SUMF1: variants seen among roughly 807,000 people sequenced by gnomAD.
SUMF1 encodes the protein sulfatase modifying factor 1.
Under a neutral mutation model 47.6 loss-of-function variants are expected in SUMF1, and 48 were observed. The ratio of observed to expected loss-of-function variants is 1.01; its 90% CI spans 0.80 to 1.28. The LOEUF is 1.28. Ranked by LOEUF, SUMF1 falls within the 50% of genes most tolerant of loss-of-function variation. The pLI is 0.00. For missense variants in SUMF1, 571 were observed against 485.4 expected, an observed-to-expected ratio of 1.18 and a Z score of -1.66; for synonymous variants, 230 against 192.1, an observed-to-expected ratio of 1.20 and a Z score of -1.63.
At chr3:4,085,103 A>G (rs1478151637) in intron 8 of SUMF1, among the ~76,000 whole-genome samples, 1 of 152,134 alleles carries the variant, frequency 6.6e-6, no homozygotes, top group Non-Finnish European at 1.5e-5. Context: ...CCAACCATTC[A>G]GGTAATCAGG....
chr3:4,354,971 C>A (rs1259035643), intron 8 of SUMF1, among the ~76,000 whole-genome samples: 2 of 152,202 alleles, frequency 1.3e-5, no homozygotes, highest in Non-Finnish European at 2.9e-5. Context: ...CTTACAGTGG[C>A]ACAGTTACGT....
In SUMF1 at chr3:4,261,213, A is replaced by C. The variant is rs367907758; in HGVS notation, c.1014+115117T>G. Among the ~76,000 whole-genome samples, 20 of 152,274 alleles carry C rather than the reference A, an allele frequency of 1.3e-4. No homozygotes were observed. In the South Asian group the frequency reaches 2.7e-3, roughly 21 times the overall value. On this transcript the variant is annotated intron_variant and NMD_transcript_variant, in intron 8 of 12. Coordinates refer to the SUMF1 transcript ENST00000448413. ...GATTGACCTTGTGTTTGCTTTATGT[A>C]ATTTTTTCATAAGGGCAGAATAAAT...
intron 7 of SUMF1, among the ~76,000 whole-genome samples, chr3:4,379,703 G>A (rs144205576): frequency 0.012 from 1,789 of 152,206 alleles, 18 homozygotes; most frequent in Middle Eastern, 0.037. Flanking sequence ...TTAACTGGTC[G>A]TGGTGGCACA....
chr3:4,295,803 A>G (rs1387797608), intron 8 of SUMF1, among the ~76,000 whole-genome samples: 2 of 152,226 alleles, frequency 1.3e-5, no homozygotes, highest in Non-Finnish European at 2.9e-5. Context: ...AATCCTGGAT[A>G]TTACTTCACA....
chr3:4,249,412 C>T (rs1455285964), intron 8 of SUMF1, among the ~76,000 whole-genome samples: 3 of 151,874 alleles, frequency 2.0e-5, no homozygotes, highest in Admixed American at 6.6e-5. Context: ...CTCTGTGTCA[C>T]GTTTTGGTAA....
chr3:4,067,322 G>A (rs1695400538), intron 9 of SUMF1, among the ~76,000 whole-genome samples: 1 of 152,144 alleles, frequency 6.6e-6, no homozygotes, highest in Non-Finnish European at 1.5e-5. Flanking sequence ...TCTAGCCATT[G>A]GTTTTGAGGC....
intron 8 of SUMF1, chr3:4,303,815 G>C (rs1309468875): frequency 2.2e-5 from 30 of 1,382,450 alleles, no homozygotes; most frequent in Non-Finnish European, 2.8e-5. Flanking sequence ...CAGAACTCAA[G>C]GAGGCATCAC....
chr3:4,036,548 C>G (rs1694799807), intron 9 of SUMF1, among the ~76,000 whole-genome samples: 1 of 151,494 alleles, frequency 6.6e-6, no homozygotes, highest in South Asian at 2.1e-4. Flanking sequence ...GTGAAGGCTG[C>G]TGCAGGAGGA....
chr3:4,079,288 G>A (rs952484844), intron 8 of SUMF1, among the ~76,000 whole-genome samples: 2 of 152,088 alleles, frequency 1.3e-5, no homozygotes, highest in African/African-American at 4.8e-5. Context: ...AGTTGGAAGG[G>A]TTTTTGGAAA....
intron 6 of SUMF1, among the ~76,000 whole-genome samples, chr3:4,411,385 G>A (rs1409160165): frequency 1.3e-5 from 2 of 152,094 alleles, no homozygotes; most frequent in Admixed American, 6.6e-5. Flanking sequence ...AGCTTTCCTG[G>A]CCACACAATG....
At chr3:4,294,681 G>T (rs1400970886) in intron 8 of SUMF1, among the ~76,000 whole-genome samples, 3 of 151,956 alleles carry the variant, frequency 2.0e-5, no homozygotes, top group African/African-American at 7.3e-5. Context: ...GGCTGCCCAG[G>T]TTTCTTCTTG....
At chr3:4,392,879 A>G (rs1700920485) in intron 7 of SUMF1, among the ~76,000 whole-genome samples, 1 of 151,624 alleles carries the variant, frequency 6.6e-6, no homozygotes. Context: ...TGCATACTTG[A>G]ACAGCTGACC....
intron 8 of SUMF1, chr3:4,316,745 A>C: frequency 1.3e-6 from 2 of 1,550,832 alleles, no homozygotes; most frequent in African/African-American, 1.4e-5. Context: ...AAGAAGCTCC[A>C]AAGCACTTCC....
chr3:4,397,296 G>T (rs373620183), intron 7 of SUMF1, among the ~76,000 whole-genome samples: 2 of 152,272 alleles, frequency 1.3e-5, no homozygotes, highest in East Asian at 3.9e-4. Flanking sequence ...CCAACACAGG[G>T]TACAGACTAC....
chr3:4,459,237 T>C (rs1478848424), intron 1 of SUMF1, among the ~76,000 whole-genome samples: 1 of 152,188 alleles, frequency 6.6e-6, no homozygotes, highest in Non-Finnish European at 1.5e-5. Context: ...GATGGATTTG[T>C]TAATTAGCTT....
chr3:4,311,315 C>G (rs146976403), intron 8 of SUMF1, among the ~76,000 whole-genome samples: 2 of 152,266 alleles, frequency 1.3e-5, no homozygotes, highest in Non-Finnish European at 2.9e-5. Context: ...GGCCTGGAGA[C>G]AAAATAATAA....
intron 8 of SUMF1, among the ~76,000 whole-genome samples, chr3:4,271,407 A>G (rs1244340648): frequency 6.6e-6 from 1 of 152,082 alleles, no homozygotes; most frequent in Admixed American, 6.6e-5. Flanking sequence ...CTCTGATTTC[A>G]TGAGGTATCC....
intron 1 of SUMF1, among the ~76,000 whole-genome samples, chr3:4,457,388 GA>G (rs377679931): frequency 4.0e-5 from 6 of 150,510 alleles, no homozygotes; most frequent in African/African-American, 7.3e-5. Context: ...CAAGGAAATA[GA>G]AAAAAAAATC....
In SUMF1 at chr3:4,215,519, A is replaced by T. The variant is rs773075189; in HGVS notation, c.1015-146774T>A. Among the ~76,000 whole-genome samples, 4 of 152,330 alleles carry T rather than the reference A, an allele frequency of 2.6e-5. No homozygotes were observed. In the South Asian group the frequency reaches 6.2e-4, roughly 24 times the overall value. ...ATGCCCTCTCTCACCACCCCTATTC[A>T]ACATAGTATTGAAAGTTCTGGCCAG... On this transcript the variant is annotated intron_variant and NMD_transcript_variant, in intron 8 of 12. Transcript: ENST00000448413.
Sources: allele counts gnomAD v4.1 joint callset (sites outside exome capture counted in the v4.1 genomes callset), GRCh38; gene constraint gnomAD v4.1.1; transcripts MANE v1.5; gene names NCBI Gene and HGNC (gene_info 2026-07-23, HGNC 2026-07-21).